Variants in NAALADL2 observed in about 807,000 individuals in gnomAD.
NAALADL2 encodes inactive N-acetylated-alpha-linked acidic dipeptidase-like protein 2.
A neutral mutation model predicts 87.2 loss-of-function variants in NAALADL2; 76 were observed. That is an observed-to-expected ratio of 0.87 (90% CI 0.72 to 1.05). The LOEUF (loss-of-function observed/expected upper bound fraction) is 1.05. NAALADL2 is among the 50% of genes least tolerant of loss of function. NAALADL2 has a pLI of 0.00. For missense variants in NAALADL2, 1,089 were observed against 945.8 expected (o/e 1.15, Z -1.99); for synonymous variants, 354 against 331.0 (o/e 1.07, Z -0.75).
chr3:175,746,342 A>G (rs533974839), intron 12 of NAALADL2, among the ~76,000 whole-genome samples: 9 of 150,526 alleles, frequency 6.0e-5, no homozygotes, highest in African/African-American at 2.2e-4. Flanking sequence ...ATCAATTGCA[A>G]ATGATTGAGA....
Position 174,903,883 on chromosome 3 carries a change from T to G in NAALADL2, c.43+44433T>G, listed in dbSNP as rs375449204. ...ACCTATAAATGTACTTTTTTATAAATATGTTTTGGTGTGTGTCCTAAAATC... is the reference window on the plus strand; with the variant it reads ...ACCTATAAATGTACTTTTTTATAAAGATGTTTTGGTGTGTGTCCTAAAATC... On this transcript the variant is annotated intron_variant, in intron 1 of 13. Transcript: ENST00000454872. Among the ~76,000 whole-genome samples, 84 of 151,894 alleles carry G rather than the reference T, an allele frequency of 5.5e-4. 2 individuals are homozygous for G. In the South Asian group the frequency reaches 0.017, roughly 31 times the overall value.
At chr3:174,814,450 A>G (rs1720566401) in intron 3 of NAALADL2, among the ~76,000 whole-genome samples, 1 of 152,154 alleles carries the variant, frequency 6.6e-6, no homozygotes, top group Non-Finnish European at 1.5e-5. Flanking sequence ...TTAAATATGT[A>G]TCTTGCGTGT....
chr3:175,015,199 A>T (rs1373521482), intron 1 of NAALADL2, among the ~76,000 whole-genome samples: 2 of 152,106 alleles, frequency 1.3e-5, no homozygotes, highest in African/African-American at 2.4e-5. Context: ...TGAACTTAAC[A>T]CTTCAGTATC....
intron 1 of NAALADL2, among the ~76,000 whole-genome samples, chr3:174,898,091 T>C (rs9828036): frequency 0.33 from 32,083 of 96,500 alleles, 5,546 homozygotes; most frequent in African/African-American, 0.53. Flanking sequence ...CCAGCCTGGG[T>C]GACAGAGCGA....
chr3:175,091,750 A>G (rs1303237737), intron 1 of NAALADL2, among the ~76,000 whole-genome samples: 1 of 152,078 alleles, frequency 6.6e-6, no homozygotes, highest in Non-Finnish European at 1.5e-5. Flanking sequence ...CTTTGAGTAA[A>G]TAGACCAAAA....
At chr3:175,746,778 T>C (rs1056269673) in intron 12 of NAALADL2, among the ~76,000 whole-genome samples, 1 of 152,192 alleles carries the variant, frequency 6.6e-6, no homozygotes, top group Admixed American at 6.5e-5. Flanking sequence ...AGGTTGGCCA[T>C]CCATTGGGGG....
chr3:174,926,521 A>G (rs1437982557), intron 1 of NAALADL2, among the ~76,000 whole-genome samples: 1 of 152,210 alleles, frequency 6.6e-6, no homozygotes, highest in Non-Finnish European at 1.5e-5. Flanking sequence ...TAGAAACTCT[A>G]CAAGCCAGAA....
intron 3 of NAALADL2, among the ~76,000 whole-genome samples, chr3:174,784,208 T>C (rs2109162448): frequency 6.6e-6 from 1 of 152,332 alleles, no homozygotes; most frequent in African/African-American, 2.4e-5. Context: ...ATCACACACT[T>C]CTATAATAAA....
chr3:174,823,142 T>A (rs1192100633), intron 3 of NAALADL2, among the ~76,000 whole-genome samples: 1 of 152,194 alleles, frequency 6.6e-6, no homozygotes, highest in African/African-American at 2.4e-5. Context: ...AAAGTAGGTA[T>A]GATTTAAAAC....
intron 5 of NAALADL2, among the ~76,000 whole-genome samples, chr3:175,433,724 G>T (rs1315896424): frequency 6.6e-6 from 1 of 151,538 alleles, no homozygotes; most frequent in East Asian, 1.9e-4. Context: ...TGTGAATTTG[G>T]GTTCCATTTC....
chr3:174,908,310 T>C (rs1733232468), intron 1 of NAALADL2, among the ~76,000 whole-genome samples: 1 of 151,952 alleles, frequency 6.6e-6, no homozygotes, highest in Non-Finnish European at 1.5e-5. Context: ...ATCAAAGTAG[T>C]TTTAGAGCTC....
intron 1 of NAALADL2, among the ~76,000 whole-genome samples, chr3:174,927,966 G>A (rs1736332274): frequency 6.6e-6 from 1 of 152,002 alleles, no homozygotes; most frequent in African/African-American, 2.4e-5. Flanking sequence ...TGAGCACACA[G>A]GTAGAAATAG....
intron 4 of NAALADL2, among the ~76,000 whole-genome samples, chr3:175,274,793 G>T (rs1753343890): frequency 6.6e-6 from 1 of 152,134 alleles, no homozygotes; most frequent in Non-Finnish European, 1.5e-5. Flanking sequence ...GAAGCCCTTT[G>T]TCTCAAGCAA....
At chr3:174,820,630 G>T (rs1177722799) in intron 3 of NAALADL2, among the ~76,000 whole-genome samples, 1 of 151,990 alleles carries the variant, frequency 6.6e-6, no homozygotes, top group Admixed American at 6.6e-5. Context: ...TATAATTAAT[G>T]AAAAGCAAAT....
intron 2 of NAALADL2, among the ~76,000 whole-genome samples, chr3:174,714,989 G>T (rs974023258): frequency 2.0e-5 from 3 of 152,108 alleles, no homozygotes; most frequent in Non-Finnish European, 4.4e-5. Context: ...CCTAATTTAT[G>T]GAGAGTTTTT....
rs576071649 is a variant in NAALADL2 at position 174,546,060 on chromosome 3, A to G, written c.-183-4509A>G. ...ATGTATTTAATAATTGTTAAATACT[A>G]ATTTTAAGAATGAAACACTAAGAGT... On this transcript the variant is annotated intron_variant, in intron 1 of 3. Coordinates refer to the NAALADL2 transcript ENST00000434257. 2.6e-5 allele frequency among the ~76,000 whole-genome samples: 4 copies of G among 151,776 alleles called. No homozygotes were observed. The East Asian group carries it at 5.9e-4, about 22-fold the overall frequency.
intron 9 of NAALADL2, among the ~76,000 whole-genome samples, chr3:175,492,852 A>G (rs1220165537): frequency 6.6e-6 from 1 of 152,108 alleles, no homozygotes; most frequent in Non-Finnish European, 1.5e-5. Context: ...TTTCATAACT[A>G]CGTGACTGAT....
At chr3:175,023,739 A>G (rs1751863815) in intron 1 of NAALADL2, among the ~76,000 whole-genome samples, 1 of 152,144 alleles carries the variant, frequency 6.6e-6, no homozygotes, top group South Asian at 2.1e-4. Context: ...TGATTCAACA[A>G]GAGACCAATC....
intron 3 of NAALADL2, among the ~76,000 whole-genome samples, chr3:175,250,169 TAA>T (rs746924726): frequency 3.3e-4 from 41 of 124,634 alleles, no homozygotes; most frequent in African/African-American, 5.9e-4. Context: ...AATTCGGTCT[TAA>T]AAAAAAAAAA....
Sources: gnomAD v4.1 joint callset for allele counts (sites outside exome capture counted in the v4.1 genomes callset) on GRCh38, gnomAD v4.1.1 for gene constraint, MANE v1.5 for transcripts, NCBI Gene and HGNC (gene_info 2026-07-23, HGNC 2026-07-21) for gene names.